CYP19A1: variants seen among roughly 807,000 people sequenced by gnomAD.
CYP19A1 encodes the protein aromatase.
A neutral mutation model predicts 44.4 loss-of-function variants in CYP19A1; 32 were observed. That is an observed-to-expected ratio of 0.72 (90% CI 0.54 to 0.97). CYP19A1 has a LOEUF of 0.97. Ranked by LOEUF, CYP19A1 falls within the 50% of genes least tolerant of loss-of-function variation. The probability of loss-of-function intolerance (pLI) is 0.00; values close to 1 mark genes in which losing one functional copy is unlikely to be tolerated. For synonymous variants in CYP19A1, 212 were observed against 215.6 expected (o/e 0.98, Z 0.14); for missense variants, 598 against 637.8 (o/e 0.94, Z 0.67).
intron 1 of CYP19A1, among the ~76,000 whole-genome samples, chr15:51,310,366 G>A (rs1259930660): frequency 4.6e-5 from 7 of 152,224 alleles, no homozygotes; most frequent in Non-Finnish European, 8.8e-5. Flanking sequence ...CCAAGGGTGA[G>A]CTGAATCATG....
intron 3 of CYP19A1, among the ~76,000 whole-genome samples, chr15:51,232,597 G>A (rs1332510095): frequency 6.6e-6 from 1 of 152,072 alleles, no homozygotes; most frequent in African/African-American, 2.4e-5. Flanking sequence ...CTCAGGACAC[G>A]ATGTCCCCAT....
At chr15:51,302,263 C>T (rs2036130404) in intron 1 of CYP19A1, among the ~76,000 whole-genome samples, 1 of 152,178 alleles carries the variant, frequency 6.6e-6, no homozygotes, top group Non-Finnish European at 1.5e-5. Flanking sequence ...GGCATATTCA[C>T]TTTTTGGGGT....
At chr15:51,229,237 A>G (rs1226958542) in intron 3 of CYP19A1, among the ~76,000 whole-genome samples, 1 of 151,924 alleles carries the variant, frequency 6.6e-6, no homozygotes, top group African/African-American at 2.4e-5. Flanking sequence ...ATAATAATAT[A>G]TAATATATAA....
intron 1 of CYP19A1, among the ~76,000 whole-genome samples, chr15:51,308,963 T>C (rs2036262735): frequency 6.6e-6 from 1 of 152,138 alleles, no homozygotes; most frequent in Non-Finnish European, 1.5e-5. Context: ...CTTTCCCAGA[T>C]CCAATCCTCT....
intron 2 of CYP19A1, among the ~76,000 whole-genome samples, chr15:51,238,435 T>A (rs2033542645): frequency 6.6e-6 from 1 of 152,272 alleles, no homozygotes; most frequent in South Asian, 2.1e-4. Flanking sequence ...GTTTCCTGAA[T>A]AAATTTTAAA....
chr15:51,251,971 T>A (rs1428107214), intron 1 of CYP19A1, among the ~76,000 whole-genome samples: 1 of 152,192 alleles, frequency 6.6e-6, no homozygotes, highest in Non-Finnish European at 1.5e-5. Context: ...TATCTCTGTG[T>A]CTGCTGCCCA....
chr15:51,212,154 C>T, intron 9 of CYP19A1, 166 bp downstream of exon 9: 5 of 688,406 alleles, frequency 7.3e-6, no homozygotes, highest in Non-Finnish European at 1.3e-5. Flanking sequence ...AGGATGAATA[C>T]GGGAGCCCTG....
intron 4 of CYP19A1, among the ~76,000 whole-genome samples, chr15:51,224,124 G>A (rs1225941651): frequency 6.6e-6 from 1 of 151,966 alleles, no homozygotes; most frequent in African/African-American, 2.4e-5. Context: ...GGCAGTTTTG[G>A]GAAACACATG....
chr15:51,240,829 CT>C (rs2033713722), intron 2 of CYP19A1, among the ~76,000 whole-genome samples: 1 of 152,148 alleles, frequency 6.6e-6, no homozygotes, highest in Non-Finnish European at 1.5e-5. Context: ...CTTCACTGGG[CT>C]TTAACCATTC....
intron 1 of CYP19A1, chr15:51,312,261 A>G (rs1210387146): frequency 6.6e-6 from 1 of 152,244 alleles, no homozygotes; most frequent in Admixed American, 6.5e-5. Context: ...TCCAGATGCT[A>G]AGGCACAGAA....
chr15:51,283,607 C>A (rs1018691039), intron 1 of CYP19A1, among the ~76,000 whole-genome samples: 1 of 152,142 alleles, frequency 6.6e-6, no homozygotes, highest in African/African-American at 2.4e-5. Context: ...GGCTCTTGTT[C>A]CAATTGTCGG....
At chr15:51,312,237 A>G (rs1461561480) in intron 1 of CYP19A1, 2 of 152,148 alleles carry the variant, frequency 1.3e-5, no homozygotes, top group Non-Finnish European at 2.9e-5. Flanking sequence ...TGCATTTCCA[A>G]TTTCATCATG....
At chr15:51,281,721 A>G (rs533833860) in intron 1 of CYP19A1, among the ~76,000 whole-genome samples, 12 of 152,254 alleles carry the variant, frequency 7.9e-5, no homozygotes, top group South Asian at 2.1e-4. Flanking sequence ...AGAAAAAAAA[A>G]AGAAAAGAAT....
chr15:51,250,388 C>T (rs2034260962), intron 1 of CYP19A1, among the ~76,000 whole-genome samples: 1 of 152,172 alleles, frequency 6.6e-6, no homozygotes, highest in South Asian at 2.1e-4. Context: ...TGGCTGACTA[C>T]CAGCAAGCCT....
At chr15:51,218,745 T>G in intron 5 of CYP19A1, 90 bp from the exon 6 acceptor site, 3 of 1,536,436 alleles carry the variant, frequency 2.0e-6, no homozygotes, top group Non-Finnish European at 2.6e-6. Flanking sequence ...AAACATTCCC[T>G]GCAGATTCTC....
chr15:51,271,773 C>A (rs1248601441), intron 1 of CYP19A1, among the ~76,000 whole-genome samples: 2 of 152,186 alleles, frequency 1.3e-5, no homozygotes, highest in Admixed American at 6.5e-5. Context: ...CAAGGATTTC[C>A]AAAGACTGAT....
chr15:51,294,573 G>T, intron 1 of CYP19A1, among the ~76,000 whole-genome samples: 1 of 143,484 alleles, frequency 7.0e-6, no homozygotes, highest in African/African-American at 2.9e-5. Flanking sequence ...CCCCGTCCGG[G>T]AGGGAGGTGG....
chr15:51,297,270 C>T (rs547765895), intron 1 of CYP19A1, among the ~76,000 whole-genome samples: 17 of 152,302 alleles, frequency 1.1e-4, no homozygotes, highest in African/African-American at 3.6e-4. Context: ...CCAAACAGCC[C>T]GGCCAGCCCT....
chr15:51,227,966 T>A, intron 3 of CYP19A1, 33 bp from the exon 4 acceptor site: 2 of 1,327,504 alleles, frequency 1.5e-6, no homozygotes, highest in Non-Finnish European at 2.2e-6. Context: ...TGTCAATTTT[T>A]AAGGGTCAGG....
Sources: allele counts gnomAD v4.1 joint callset (sites outside exome capture counted in the v4.1 genomes callset), GRCh38; gene constraint gnomAD v4.1.1; transcripts MANE v1.5; gene names NCBI Gene and HGNC (gene_info 2026-07-23, HGNC 2026-07-21).